ALDH1L1: variants seen among roughly 807,000 people sequenced by gnomAD.
The protein encoded by ALDH1L1 is cytosolic 10-formyltetrahydrofolate dehydrogenase.
In ALDH1L1, 68 loss-of-function variants were observed where a neutral mutation model predicts 101.1. That is an observed-to-expected ratio of 0.67 (90% CI 0.55 to 0.82). The LOEUF is 0.82. Among genes scored for constraint, ALDH1L1 ranks in the 40% least tolerant of loss-of-function variants. The probability of loss-of-function intolerance (pLI) is 0.00; values close to 1 mark genes in which losing one functional copy is unlikely to be tolerated. For synonymous variants in ALDH1L1, 486 were observed against 470.8 expected, an observed-to-expected ratio of 1.03 and a Z score of -0.42; for missense variants, 1,087 against 1,172.7, an observed-to-expected ratio of 0.93 and a Z score of 1.07.
intron 1 of ALDH1L1, among the ~76,000 whole-genome samples, chr3:126,191,601 G>A (rs1179169749): frequency 6.6e-6 from 1 of 152,194 alleles, no homozygotes. Context: ...AGATGGTTAA[G>A]GAAAAGCTTG....
chr3:126,161,667 A>C (rs918247756), intron 1 of ALDH1L1, among the ~76,000 whole-genome samples: 1 of 152,236 alleles, frequency 6.6e-6, no homozygotes, highest in African/African-American at 2.4e-5. Context: ...TAAAACCTGA[A>C]CTATTATTCA....
At chr3:126,144,599 G>A (rs781654693) in intron 9 of ALDH1L1, among the ~76,000 whole-genome samples, 1 of 152,140 alleles carries the variant, frequency 6.6e-6, no homozygotes, top group Non-Finnish European at 1.5e-5. Flanking sequence ...TACATAATGG[G>A]GAAGCGATAG....
chr3:126,180,418 G>C (rs914740100), intron 1 of ALDH1L1, 58 bp downstream of exon 1: 2 of 985,304 alleles, frequency 2.0e-6, no homozygotes, highest in African/African-American at 3.5e-5. Context: ...CGGAGCTGCA[G>C]CCGGGGCAGC....
At chr3:126,148,599 AC>A (rs1445550843) in intron 8 of ALDH1L1, among the ~76,000 whole-genome samples, 1 of 152,194 alleles carries the variant, frequency 6.6e-6, no homozygotes, top group Admixed American at 6.5e-5. Context: ...AGGGGGCTGC[AC>A]GGTGAACAGC....
chr3:126,140,786 C>T (rs28888819), intron 9 of ALDH1L1, among the ~76,000 whole-genome samples: 9,431 of 151,286 alleles, frequency 0.062, 856 homozygotes, highest in African/African-American at 0.2. Flanking sequence ...TAACTAAAAA[C>T]ATACAGTAAA....
At chr3:126,188,178 A>T (rs907937101) in intron 1 of ALDH1L1, among the ~76,000 whole-genome samples, 1 of 152,242 alleles carries the variant, frequency 6.6e-6, no homozygotes, top group Non-Finnish European at 1.5e-5. Context: ...TGGACAACGC[A>T]GGTTGGACCT....
Position 126,157,394 on chromosome 3 carries a change from G to T in ALDH1L1, c.477C>A (p.Thr159=). Residue 159 remains threonine (T), a synonymous_variant, in exon 4 of 23, where the codon ACC becomes ACA. Transcript: ENST00000393434. ...QKECEVLPDD[T]VSTLYNRFLF... ...GGAAGCGGTTGTACAGCGTGCTCAC[G>T]GTGTCGTCCGGGAGCACCTCACACT... 2 of 1,614,056 alleles carry T rather than the reference G, an allele frequency of 1.2e-6. No homozygotes were observed. Among genetic ancestry groups the T allele is most frequent in the Non-Finnish European group, 1.7e-6 (2 of 1,180,000 alleles).
At chr3:126,189,480 A>C (rs1443673203) in intron 1 of ALDH1L1, among the ~76,000 whole-genome samples, 1 of 152,120 alleles carries the variant, frequency 6.6e-6, no homozygotes, top group African/African-American at 2.4e-5. Context: ...TTGAGCTGTG[A>C]GTTGTGAACC....
chr3:126,108,203 CCT>C (rs1297458506), intron 20 of ALDH1L1: 6 of 152,308 alleles, frequency 3.9e-5, no homozygotes, highest in Admixed American at 2.6e-4. Flanking sequence ...GCTGACCACC[CCT>C]CTGTCATCCC....
intron 10 of ALDH1L1, among the ~76,000 whole-genome samples, chr3:126,137,445 A>C (rs1037458359): frequency 1.2e-4 from 18 of 152,244 alleles, no homozygotes; most frequent in African/African-American, 4.1e-4. Context: ...AAGATTTCTT[A>C]ATTTCCTTAA....
chr3:126,182,789 G>A (rs184759489), upstream of ALDH1L1, among the ~76,000 whole-genome samples: 5 of 152,292 alleles, frequency 3.3e-5, no homozygotes, highest in Admixed American at 2.6e-4. Flanking sequence ...GGAGAGGAGG[G>A]AATTTTAAGC....
chr3:126,121,102 G>C (rs2080071976), intron 16 of ALDH1L1, among the ~76,000 whole-genome samples: 2 of 152,216 alleles, frequency 1.3e-5, no homozygotes, highest in Admixed American at 6.5e-5. Context: ...TTTGGGCACA[G>C]ACACCACATC....
At chr3:126,149,314 G>A (rs1433465913) in intron 8 of ALDH1L1, among the ~76,000 whole-genome samples, 1 of 152,210 alleles carries the variant, frequency 6.6e-6, no homozygotes, top group Non-Finnish European at 1.5e-5. Context: ...ATCCTCCATT[G>A]AGGAAGGGCT....
In ALDH1L1 at chr3:126,115,976, G is replaced by A. The variant is rs561203458; in HGVS notation, c.1983-1320C>T. On this transcript the variant is annotated intron_variant, in intron 17 of 22. Transcript: ENST00000393434. ...TAACCTCCGCCTTCCGGATTCAAGC[G>A]ATTCTCCTGCCTCAGCCTCTAGAGT... Among the ~76,000 whole-genome samples, 16 of 151,326 alleles carry A rather than the reference G, an allele frequency of 1.1e-4. No individual in the cohort carries two copies. In the East Asian group the frequency reaches 2.9e-3, roughly 28 times the overall value.
In ALDH1L1 at chr3:126,110,047, C is replaced by T. The variant is rs771587048; in HGVS notation, c.2244G>A (p.Pro748=). 58 of 1,614,108 alleles carry T rather than the reference C, an allele frequency of 3.6e-5. No individual in the cohort carries two copies. Among genetic ancestry groups the T allele is most frequent in the East Asian group, 2.0e-4 (9 of 44,900 alleles). The change falls in exon 20 of 23, where the codon CCG becomes CCA. Residue 748 remains proline (P), a synonymous_variant. Transcript: ENST00000393434. ...NPLDRDTDHG[P]QNHHAHLVKL... ...TCACAAGGTGGGCATGGTGATTCTG[C>T]GGCCCGTGGTCGGTGTCCCTGTCCA...
chr3:126,186,111 T>C (rs1006459089), upstream of ALDH1L1, among the ~76,000 whole-genome samples: 3 of 152,186 alleles, frequency 2.0e-5, no homozygotes, highest in African/African-American at 7.2e-5. Context: ...GCAGTGATGG[T>C]TGCACGACAG....
chr3:126,157,588 C>A, intron 3 of ALDH1L1, 80 bp from the exon 4 acceptor site: 1 of 1,497,232 alleles, frequency 6.7e-7, no homozygotes, highest in South Asian at 1.3e-5. Context: ...CGTGGACCTG[C>A]CACCCTCCAG....
intron 22 of ALDH1L1, chr3:126,104,126 C>T: frequency 1.9e-6 from 1 of 521,464 alleles, no homozygotes; most frequent in Non-Finnish European, 3.4e-6. Context: ...GAAGCCCCTT[C>T]AGGTGGAAGG....
chr3:126,148,601 G>A (rs1163427802), intron 8 of ALDH1L1, among the ~76,000 whole-genome samples: 7 of 152,300 alleles, frequency 4.6e-5, no homozygotes, highest in Non-Finnish European at 7.4e-5. Context: ...GGGGCTGCAC[G>A]GTGAACAGCT....
Sources: gnomAD v4.1 joint callset for allele counts (sites outside exome capture counted in the v4.1 genomes callset) on GRCh38, gnomAD v4.1.1 for gene constraint, MANE v1.5 for transcripts, NCBI Gene and HGNC (gene_info 2026-07-23, HGNC 2026-07-21) for gene names.